Variants in DLG2 observed in about 807,000 individuals in gnomAD.
DLG2 encodes the protein disks large homolog 2.
Under a neutral mutation model 132.5 loss-of-function variants are expected in DLG2, and 45 were observed. The ratio of observed to expected loss-of-function variants is 0.34; its 90% confidence interval spans 0.27 to 0.44. The LOEUF is 0.44. Among genes scored for constraint, DLG2 ranks in the 20% least tolerant of loss-of-function variants. DLG2 has a pLI of 1.00. For synonymous variants in DLG2, 424 were observed against 419.6 expected, an observed-to-expected ratio of 1.01 and a Z score of -0.13; for missense variants, 1,045 against 1,196.9, an observed-to-expected ratio of 0.87 and a Z score of 1.87.
rs1208918659 is a variant in DLG2, at chr11:83,724,474, TGTGA to T, written c.1825+62212_1825+62215del. Among the ~76,000 whole-genome samples, 390 of 103,434 alleles carry T rather than the reference TGTGA, an allele frequency of 3.8e-3. 1 individual carries two copies. Among genetic ancestry groups the T allele is most frequent in the Middle Eastern group, 9.9e-3 (2 of 202 alleles). The allele number at this position is 103,434 out of a possible 152,430, so 67.9% of individuals were successfully genotyped here. A position where few individuals can be genotyped will look rare whatever the true frequency, so the allele number is the denominator to read the frequency against. On this transcript the variant is annotated intron_variant, in intron 18 of 27. Transcript: ENST00000376104. ...CTCTCTCTCCGTGTGTGTGTGTGTG[TGTGA>T]GAGAGAGAGAGAGAGAGAGAGAGAG...
intron 14 of DLG2, among the ~76,000 whole-genome samples, chr11:83,957,799 G>T: frequency 6.6e-6 from 1 of 152,050 alleles, no homozygotes; most frequent in Non-Finnish European, 1.5e-5. Flanking sequence ...AATGACTTTG[G>T]CTTTGCTATT....
At chr11:84,838,073 G>A (rs142886948) in intron 6 of DLG2, among the ~76,000 whole-genome samples, 83 of 151,892 alleles carry the variant, frequency 5.5e-4, no homozygotes, top group African/African-American at 1.9e-3. Context: ...ATTATGTTGA[G>A]TACTTCTTAA....
intron 5 of DLG2, among the ~76,000 whole-genome samples, chr11:85,133,387 T>C (rs574235039): frequency 9.9e-5 from 15 of 152,256 alleles, no homozygotes; most frequent in African/African-American, 3.4e-4. Context: ...GGAGTCTAAA[T>C]GACTCGAAAG....
intron 6 of DLG2, among the ~76,000 whole-genome samples, chr11:85,018,889 A>G (rs2059797357): frequency 6.6e-6 from 1 of 152,034 alleles, no homozygotes; most frequent in African/African-American, 2.4e-5. Flanking sequence ...AATAACCCAC[A>G]GTATCAACTT....
Position 84,998,288 on chromosome 11 carries a change from C to T in DLG2, c.357+113373G>A, listed in dbSNP as rs545177140. On this transcript the variant is annotated intron_variant, in intron 6 of 27. Coordinates refer to ENST00000376104, the MANE Select transcript of DLG2 (RefSeq NM_001142699.3). ...GGTAATCGGATTATGGTGGCAATTTCCCCCATCCTGTCCTCATGATAGTCT... is the reference window on the plus strand; with the variant it reads ...GGTAATCGGATTATGGTGGCAATTTTCCCCATCCTGTCCTCATGATAGTCT... Among the ~76,000 whole-genome samples the T allele has an allele frequency of 1.1e-4, 17 of 152,066 alleles. No individual in the cohort carries two copies. In the South Asian group the frequency reaches 3.3e-3, roughly 30 times the overall value.
intron 6 of DLG2, among the ~76,000 whole-genome samples, chr11:84,953,345 T>C (rs548471565): frequency 5.1e-4 from 77 of 152,344 alleles, no homozygotes; most frequent in African/African-American, 1.7e-3. Flanking sequence ...GGATGTGCAA[T>C]TGATTCTCAT....
chr11:83,636,140 A>C (rs1429513710), intron 18 of DLG2, among the ~76,000 whole-genome samples: 1 of 152,150 alleles, frequency 6.6e-6, no homozygotes, highest in Non-Finnish European at 1.5e-5. Context: ...CCCACCTTCC[A>C]GCTGCCCCTT....
chr11:84,660,446 C>T (rs934022350), intron 6 of DLG2, among the ~76,000 whole-genome samples: 1 of 152,246 alleles, frequency 6.6e-6, no homozygotes, highest in African/African-American at 2.4e-5. Flanking sequence ...TTGGTATCTG[C>T]ATCACCATAA....
At chr11:83,735,059 T>C (rs35248605) in intron 18 of DLG2, among the ~76,000 whole-genome samples, 18,386 of 152,060 alleles carry the variant, frequency 0.12, 1,923 homozygotes, top group African/African-American at 0.28. Flanking sequence ...AGTGGTGGCT[T>C]TGTGTATGTG....
chr11:85,457,770 C>T (rs983568993), intron 3 of DLG2, among the ~76,000 whole-genome samples: 2 of 152,142 alleles, frequency 1.3e-5, no homozygotes, highest in African/African-American at 4.8e-5. Context: ...CCCTTATTCT[C>T]CTCTGGCTTG....
chr11:84,222,101 C>T (rs185928728), intron 8 of DLG2, among the ~76,000 whole-genome samples: 1 of 151,936 alleles, frequency 6.6e-6, no homozygotes, highest in Admixed American at 6.6e-5. Flanking sequence ...GGTGCGATCT[C>T]GGCTCACTGC....
At chr11:85,192,809 C>T (rs1185950836) in intron 4 of DLG2, among the ~76,000 whole-genome samples, 1 of 152,144 alleles carries the variant, frequency 6.6e-6, no homozygotes, top group Non-Finnish European at 1.5e-5. Context: ...ATGCTTAAAC[C>T]GGCACGGTAA....
chr11:83,656,187 G>T (rs116161393), intron 18 of DLG2, among the ~76,000 whole-genome samples: 340 of 152,346 alleles, frequency 2.2e-3, no homozygotes, highest in African/African-American at 7.7e-3. Context: ...CTCATTAAGA[G>T]TCATCACTGA....
chr11:84,243,263 AT>A (rs1261031276), intron 8 of DLG2, among the ~76,000 whole-genome samples: 1 of 152,106 alleles, frequency 6.6e-6, no homozygotes, highest in Non-Finnish European at 1.5e-5. Flanking sequence ...TGAGGAATGA[AT>A]TTGTAATTTT....
intron 7 of DLG2, among the ~76,000 whole-genome samples, chr11:84,532,226 G>A (rs1274192665): frequency 4.2e-5 from 6 of 143,998 alleles, no homozygotes; most frequent in African/African-American, 1.5e-4. Flanking sequence ...TTGAATCCCA[G>A]AAGTAACACA....
Position 83,532,928 on chromosome 11 carries a change from TA to T in DLG2, c.2118-146del. The stretch of plus-strand genomic sequence containing the variant: ...AATATTTCTCTTCCTTTGTTCCATA[TA>T]AAAAATCTTGGTACAAAGTCTCTAA... On this transcript the variant is annotated intron_variant, in intron 20 of 27. Coordinates refer to ENST00000376104, the MANE Select transcript of DLG2 (RefSeq NM_001142699.3). 1.3e-5 allele frequency: 9 copies of T among 694,314 alleles called. No homozygotes were observed. The South Asian group carries it at 2.0e-4, about 15-fold the overall frequency. 43.0% of individuals were successfully genotyped at this position (694,314 alleles called of 1,614,324 possible). A position where few individuals can be genotyped will look rare whatever the true frequency, so the allele number is the denominator to read the frequency against.
intron 19 of DLG2, among the ~76,000 whole-genome samples, chr11:83,619,395 T>C (rs2061318559): frequency 6.6e-6 from 1 of 152,320 alleles, no homozygotes; most frequent in Non-Finnish European, 1.5e-5. Flanking sequence ...ATGTGGTATT[T>C]CTAGAAGCCA....
chr11:84,203,446 G>A (rs2096622675), intron 8 of DLG2, among the ~76,000 whole-genome samples: 1 of 152,022 alleles, frequency 6.6e-6, no homozygotes, highest in African/African-American at 2.4e-5. Flanking sequence ...GCTGGGCGTG[G>A]TGGCGGGTGC....
chr11:85,599,875 T>C (rs1477740576), intron 2 of DLG2, among the ~76,000 whole-genome samples: 1 of 152,234 alleles, frequency 6.6e-6, no homozygotes, highest in Non-Finnish European at 1.5e-5. Context: ...AAAAAGTCAC[T>C]AGAGTTATAC....
Sources: allele counts gnomAD v4.1 joint callset (sites outside exome capture counted in the v4.1 genomes callset), GRCh38; gene constraint gnomAD v4.1.1; transcripts MANE v1.5; gene names NCBI Gene and HGNC (gene_info 2026-07-23, HGNC 2026-07-21).